PTPN12: variants seen among roughly 807,000 people sequenced by gnomAD.
PTPN12 encodes the protein protein tyrosine phosphatase non-receptor type 12, also known as tyrosine-protein phosphatase non-receptor type 12.
Under a neutral mutation model 97.6 loss-of-function variants are expected in PTPN12, and 29 were observed. The ratio of observed to expected loss-of-function variants is 0.30; its 90% CI spans 0.22 to 0.41. The LOEUF is 0.41. PTPN12 is among the 10% of genes least tolerant of loss of function. The pLI, the probability that PTPN12 is intolerant of heterozygous loss-of-function variation, is 1.00. For missense variants in PTPN12, 819 were observed against 926.0 expected (o/e 0.88, Z 1.50); for synonymous variants, 327 against 300.4 (o/e 1.09, Z -0.91).
At chr7:77,593,069 G>A (rs550857223) in intron 6 of PTPN12, among the ~76,000 whole-genome samples, 2 of 152,170 alleles carry the variant, frequency 1.3e-5, no homozygotes, top group African/African-American at 4.8e-5. Context: ...AGGAGTTCGA[G>A]ACCAGCCTGG....
rs769667278 is a variant in PTPN12, at chr7:77,610,848, GTTGTTTGTTTCCC to G, written c.840+9_840+21del. On this transcript the variant is annotated splice_region_variant and intron_variant, in intron 10 of 17. Coordinates refer to ENST00000248594, the MANE Select transcript of PTPN12 (RefSeq NM_002835.4). ...ATTCTGCAGTACAAACAAAGGTATA[GTTGTTTGTTTCCC>G]TTTATAAACTGCTATTTTATAAATG... is the stretch of plus-strand genomic sequence containing the variant. 2.6e-5 allele frequency: 42 copies of G among 1,599,400 alleles called. No individual in the cohort carries two copies. In the Admixed American group the frequency reaches 7.1e-4, roughly 27 times the overall value.
chr7:77,626,824 A>G lies in PTPN12; in HGVS notation c.1145A>G (p.Gln382Arg), dbSNP rs1424216728. The change falls in exon 13 of 18, where the codon CAG (glutamine) becomes CGG (arginine). Residue 382 changes from glutamine to arginine, a missense_variant. Transcript: ENST00000248594. ...SAFPTVTTVW[Q>R]DNDRYHPKPV... ...TTTCCAACAGTCACTACTGTGTGGC[A>G]GGACAATGATAGATACCATCCAAAG... 6.2e-7 allele frequency: 1 copy of G among 1,614,122 alleles called. No homozygotes were observed. The highest frequency in any genetic ancestry group is 1.1e-5 in the South Asian group (1 of 91,088).
At chr7:77,581,302 A>G (rs1787509188) in intron 2 of PTPN12, 125 bp from the exon 3 acceptor site, 2 of 508,796 alleles carry the variant, frequency 3.9e-6, no homozygotes. Flanking sequence ...TGGTACCTAG[A>G]GTCCATTTTC....
intron 1 of PTPN12, among the ~76,000 whole-genome samples, chr7:77,546,791 A>G (rs1468156635): frequency 6.6e-6 from 1 of 152,200 alleles, no homozygotes; most frequent in Non-Finnish European, 1.5e-5. Flanking sequence ...TGGAAGGTGA[A>G]GGGGAAGCAA....
intron 11 of PTPN12, among the ~76,000 whole-genome samples, chr7:77,613,167 G>GTTTTTTTTTTTTTTTTTTT (rs576216122): frequency 1.1e-5 from 1 of 88,534 alleles, no homozygotes; most frequent in African/African-American, 5.0e-5. Context: ...TAATTTTTGG[G>GTTTTTTTTTTTTTTTTTTT]TTTTTTTTTT....
At chr7:77,568,762 G>T (rs1040717598) in intron 1 of PTPN12, among the ~76,000 whole-genome samples, 13 of 152,060 alleles carry the variant, frequency 8.5e-5, no homozygotes, top group Admixed American at 3.3e-4. Flanking sequence ...ATTTTTTCTC[G>T]CTGACATTGA....
In PTPN12 at chr7:77,638,629, C is replaced by A; in HGVS notation, c.2179C>A (p.Pro727Thr). The A allele has an allele frequency of 6.3e-7, 1 of 1,589,158 alleles. No homozygotes were observed. The highest frequency in any genetic ancestry group is 8.5e-7 in the Non-Finnish European group (1 of 1,170,562). ...GGCTTTGTGTTGCTACTTAGATCATCCAGCGGGAGGTATTCACTATGAAAT... is the reference window on the plus strand; with the variant it reads ...GGCTTTGTGTTGCTACTTAGATCATACAGCGGGAGGTATTCACTATGAAAT... ...ITSENEKCDHPAGGIHYEMCI... is the reference protein window; with the variant it reads ...ITSENEKCDHTAGGIHYEMCI... The change falls in exon 17 of 18, where the codon CCA (proline) becomes ACA (threonine). Residue 727 changes from proline (P) to threonine (T), a missense_variant. By Grantham distance (38) the Pro-to-Thr change is conservative. Transcript: ENST00000248594.
chr7:77,582,382 TG>T (rs1402693837), intron 3 of PTPN12, among the ~76,000 whole-genome samples: 1 of 152,200 alleles, frequency 6.6e-6, no homozygotes, highest in Non-Finnish European at 1.5e-5. Flanking sequence ...TCAGCTAATC[TG>T]TGATTTTTAA....
chr7:77,577,905 GAT>G (rs1185446247), intron 2 of PTPN12, among the ~76,000 whole-genome samples: 1 of 152,146 alleles, frequency 6.6e-6, no homozygotes, highest in Non-Finnish European at 1.5e-5. Context: ...AATGATTGGG[GAT>G]AGATGAAATA....
chr7:77,610,181 T>C (rs1262707289), intron 9 of PTPN12, among the ~76,000 whole-genome samples: 1 of 152,222 alleles, frequency 6.6e-6, no homozygotes, highest in Non-Finnish European at 1.5e-5. Context: ...TCATAATTAG[T>C]TCCCCAACTT....
intron 9 of PTPN12, among the ~76,000 whole-genome samples, chr7:77,610,064 C>G (rs149569274): frequency 1.2e-3 from 188 of 152,328 alleles, no homozygotes; most frequent in African/African-American, 4.3e-3. Flanking sequence ...TTCAGACTGT[C>G]CTCTTCCTTG....
At chr7:77,564,746 GTTTTTTTTTTTT>G (rs764476553) in intron 1 of PTPN12, among the ~76,000 whole-genome samples, 42 of 45,404 alleles carry the variant, frequency 9.3e-4, no homozygotes, top group Admixed American at 2.0e-3. Flanking sequence ...TTGTTGTCGT[GTTTTTTTTTTTT>G]TTTTTTTTTT....
Position 77,618,521 on chromosome 7 carries a change from T to A in PTPN12, c.981T>A (p.Pro327=). 6.2e-7 allele frequency: 1 copy of A among 1,609,796 alleles called. No individual in the cohort carries two copies. Among genetic ancestry groups the A allele is most frequent in the Non-Finnish European group, 8.5e-7 (1 of 1,176,794 alleles). Residue 327 remains proline (P), a synonymous_variant, in exon 12 of 18, where the codon CCT becomes CCA. Coordinates refer to ENST00000248594, the MANE Select transcript of PTPN12 (RefSeq NM_002835.4). ...AAAACATGGTCAGCTCCATAGAGCCTGAAAAACAAGATTCTCCTCCTCCAA... is the reference window on the plus strand; with the variant it reads ...AAAACATGGTCAGCTCCATAGAGCCAGAAAAACAAGATTCTCCTCCTCCAA... ...NTENMVSSIE[P]EKQDSPPPKP...
intron 2 of PTPN12, among the ~76,000 whole-genome samples, chr7:77,573,218 C>T (rs1308812189): frequency 2.0e-5 from 3 of 151,922 alleles, no homozygotes; most frequent in African/African-American, 7.3e-5. Flanking sequence ...ATACACTCCA[C>T]TTTTCTCACC....
At chr7:77,605,886 T>A (rs1232088952) in intron 8 of PTPN12, among the ~76,000 whole-genome samples, 1 of 150,066 alleles carries the variant, frequency 6.7e-6, no homozygotes, top group Non-Finnish European at 1.5e-5. Context: ...ACCTTTCCTA[T>A]ACCTTCTATA....
At chr7:77,553,852 T>A (rs978958535) in intron 1 of PTPN12, among the ~76,000 whole-genome samples, 10 of 16,700 alleles carry the variant, frequency 6.0e-4, no homozygotes, top group African/African-American at 5.9e-3. Flanking sequence ...TTTGTTCCTA[T>A]TTTTTTTTTT....
At chr7:77,618,881 A>G (rs1303763218) in intron 12 of PTPN12, among the ~76,000 whole-genome samples, 2 of 152,222 alleles carry the variant, frequency 1.3e-5, no homozygotes, top group Non-Finnish European at 2.9e-5. Flanking sequence ...TGATGACTAA[A>G]TATGCTTGCC....
rs1411668972 is a variant in PTPN12 at position 77,639,548 on chromosome 7, C to T, written c.*268C>T. 2 of 359,284 alleles carry T rather than the reference C, an allele frequency of 5.6e-6. No individual in the cohort carries two copies. The highest frequency in any genetic ancestry group is 4.3e-5 in the East Asian group (1 of 23,122). 22.3% of individuals were successfully genotyped at this position (359,284 alleles called of 1,614,324 possible). On this transcript the variant is annotated 3_prime_UTR_variant, in exon 18 of 18. Coordinates refer to ENST00000248594, the MANE Select transcript of PTPN12 (RefSeq NM_002835.4). Reference sequence around the variant, plus strand: ...TGTAGACATGTTAATATAGTAATACCTTTATGATATATTGAGTTTAAGGAC... The same window carrying T: ...TGTAGACATGTTAATATAGTAATACTTTTATGATATATTGAGTTTAAGGAC...
chr7:77,637,988 T>C (rs1789666271), intron 16 of PTPN12, among the ~76,000 whole-genome samples: 1 of 132,598 alleles, frequency 7.5e-6, no homozygotes, highest in Non-Finnish European at 1.6e-5. Context: ...ACAGAGGTCT[T>C]GCTCTGTCGC....
Sources: allele counts gnomAD v4.1 joint callset (sites outside exome capture counted in the v4.1 genomes callset), GRCh38; gene constraint gnomAD v4.1.1; transcripts MANE v1.5; gene names NCBI Gene and HGNC (gene_info 2026-07-23, HGNC 2026-07-21).